The following CSMD1 variants were observed in gnomAD, a reference collection of about 807,000 sequenced individuals.
The protein encoded by CSMD1 is CUB and sushi domain-containing protein 1.
Under a neutral mutation model 417.5 loss-of-function variants are expected in CSMD1, and 213 were observed. The observed-to-expected ratio is 0.51, with a 90% CI of 0.46 to 0.57. The LOEUF is 0.57. Among genes scored for constraint, CSMD1 ranks in the 20% least tolerant of loss-of-function variants. CSMD1 has a pLI of 0.00. For synonymous variants in CSMD1, 2,862 were observed against 1,736.8 expected, an observed-to-expected ratio of 1.65 and a Z score of -16.11; for missense variants, 6,923 against 4,529.7, an observed-to-expected ratio of 1.53 and a Z score of -15.17.
chr8:3,707,946 G>A (rs1034371524), intron 7 of CSMD1, among the ~76,000 whole-genome samples: 5 of 152,208 alleles, frequency 3.3e-5, no homozygotes, highest in Non-Finnish European at 1.5e-5. Context: ...CATGTCTGCA[G>A]ATCTTGTTTT....
At chr8:4,037,584 G>A (rs1797685412) in intron 3 of CSMD1, among the ~76,000 whole-genome samples, 1 of 144,592 alleles carries the variant, frequency 6.9e-6, no homozygotes, top group Non-Finnish European at 1.5e-5. Context: ...CAACTGACAG[G>A]GATTGCAATG....
chr8:4,985,498 T>A (rs563919863), intron 1 of CSMD1, among the ~76,000 whole-genome samples: 58 of 152,328 alleles, frequency 3.8e-4, no homozygotes, highest in South Asian at 2.7e-3. Context: ...ATGAGTATAA[T>A]CCTTTTCAAG....
chr8:3,274,802 C>T (rs914704833), intron 26 of CSMD1, among the ~76,000 whole-genome samples: 12 of 152,182 alleles, frequency 7.9e-5, no homozygotes, highest in East Asian at 1.9e-4. Context: ...TCCATCCTTT[C>T]ATTTTGAGCC....
chr8:3,046,518 G>A (rs766056136), intron 50 of CSMD1, among the ~76,000 whole-genome samples: 10 of 151,968 alleles, frequency 6.6e-5, no homozygotes, highest in Non-Finnish European at 1.5e-4. Flanking sequence ...CCTGATCCTC[G>A]CCCCCACGGA....
intron 5 of CSMD1, among the ~76,000 whole-genome samples, chr8:3,907,275 A>G (rs1808177302): frequency 6.6e-6 from 1 of 152,214 alleles, no homozygotes; most frequent in South Asian, 2.1e-4. Flanking sequence ...CTTTACATGC[A>G]TTTTTAAGAC....
intron 10 of CSMD1, among the ~76,000 whole-genome samples, chr8:3,511,765 AACAT>A (rs1286603899): frequency 5.9e-4 from 8 of 13,594 alleles, no homozygotes; most frequent in African/African-American, 2.1e-3. Flanking sequence ...CTAAAAAAAT[AACAT>A]AACATAACAT....
intron 1 of CSMD1, among the ~76,000 whole-genome samples, chr8:4,888,142 T>C (rs961961462): frequency 6.6e-6 from 1 of 151,892 alleles, no homozygotes; most frequent in Non-Finnish European, 1.5e-5. Flanking sequence ...ATGCCATATA[T>C]AAAAGAGTAT....
chr8:3,531,168 C>G (rs533489412), intron 10 of CSMD1, among the ~76,000 whole-genome samples: 1 of 152,008 alleles, frequency 6.6e-6, no homozygotes, highest in South Asian at 2.1e-4. Flanking sequence ...GCCCATACTA[C>G]TTTAAGAAAA....
At chr8:3,901,249 C>T (rs917587175) in intron 5 of CSMD1, among the ~76,000 whole-genome samples, 2 of 152,136 alleles carry the variant, frequency 1.3e-5, no homozygotes, top group African/African-American at 4.8e-5. Context: ...TGTTCTTTTC[C>T]AGTTGTACTG....
intron 2 of CSMD1, among the ~76,000 whole-genome samples, chr8:4,597,187 T>G (rs528010329): frequency 6.6e-6 from 1 of 152,290 alleles, no homozygotes; most frequent in South Asian, 2.1e-4. Flanking sequence ...AATAAACTTG[T>G]GATGCTGATT....
intron 5 of CSMD1, among the ~76,000 whole-genome samples, chr8:3,880,967 T>G (rs2129120714): frequency 6.6e-6 from 1 of 152,144 alleles, no homozygotes; most frequent in East Asian, 1.9e-4. Flanking sequence ...ACAACTGCAT[T>G]TTTAAGTACT....
chr8:3,818,123 C>G (rs757075011), intron 5 of CSMD1, among the ~76,000 whole-genome samples: 1 of 152,072 alleles, frequency 6.6e-6, no homozygotes, highest in Non-Finnish European at 1.5e-5. Flanking sequence ...AGCCCAGGAC[C>G]CAAAGAGAGT....
At chr8:4,729,442 G>C (rs1262970169) in intron 1 of CSMD1, among the ~76,000 whole-genome samples, 1 of 152,208 alleles carries the variant, frequency 6.6e-6, no homozygotes, top group South Asian at 2.1e-4. Flanking sequence ...ATTTGCGGCA[G>C]AGGGGAGCAG....
At chr8:3,374,992 G>C (rs969053544) in intron 18 of CSMD1, 1 of 152,226 alleles carries the variant, frequency 6.6e-6, no homozygotes, top group Admixed American at 6.5e-5. Context: ...ACAGGCAACA[G>C]TGATCTCCGT....
intron 5 of CSMD1, among the ~76,000 whole-genome samples, chr8:3,909,730 G>C (rs576638855): frequency 1.6e-3 from 244 of 152,208 alleles, no homozygotes; most frequent in Non-Finnish European, 2.6e-3. Context: ...AAAGGCAAAA[G>C]TTTAGGGAAG....
chr8:4,173,846 C>G (rs1797895886), intron 3 of CSMD1, among the ~76,000 whole-genome samples: 2 of 152,128 alleles, frequency 1.3e-5, no homozygotes, highest in African/African-American at 4.8e-5. Flanking sequence ...TTCTTCCCTA[C>G]TTCTTGGGAA....
At chr8:4,685,404 T>A (rs1043688368) in intron 1 of CSMD1, among the ~76,000 whole-genome samples, 3 of 151,640 alleles carry the variant, frequency 2.0e-5, no homozygotes, top group African/African-American at 7.3e-5. Flanking sequence ...CAAAACCCCA[T>A]CTCTACTAAA....
At chr8:4,362,203 T>A (rs1011790581) in intron 3 of CSMD1, among the ~76,000 whole-genome samples, 4 of 152,192 alleles carry the variant, frequency 2.6e-5, no homozygotes, top group Non-Finnish European at 5.9e-5. Context: ...ATCTGTATTT[T>A]CCAAAGGATC....
chr8:4,329,437 C>T (rs1039469207), intron 3 of CSMD1, among the ~76,000 whole-genome samples: 7 of 152,014 alleles, frequency 4.6e-5, no homozygotes, highest in Non-Finnish European at 7.4e-5. Context: ...TACAGGCAGG[C>T]GTCAGCACAC....
Sources: gnomAD v4.1 joint callset for allele counts (sites outside exome capture counted in the v4.1 genomes callset) on GRCh38, gnomAD v4.1.1 for gene constraint, MANE v1.5 for transcripts, NCBI Gene and HGNC (gene_info 2026-07-23, HGNC 2026-07-21) for gene names.